Variants in SP3 observed in about 807,000 individuals in gnomAD.
SP3 encodes Sp3 transcription factor.
In SP3, 10 loss-of-function variants were observed where a neutral mutation model predicts 70.3. That is an observed-to-expected ratio of 0.14 (90% confidence interval 0.09 to 0.24). SP3 has a LOEUF of 0.24. SP3 is among the 10% of genes least tolerant of loss of function. SP3 has a pLI of 1.00. For synonymous variants in SP3, 402 were observed against 333.5 expected, an observed-to-expected ratio of 1.21 and a Z score of -2.24; for missense variants, 825 against 914.6, an observed-to-expected ratio of 0.90 and a Z score of 1.26.
In SP3 at chr2:173,932,638, C is replaced by G. The variant is rs148304315; in HGVS notation, c.1640-13853G>C. Among the ~76,000 whole-genome samples the G allele has an allele frequency of 7.2e-4, 110 of 152,182 alleles. 2 individuals are homozygous for G. The East Asian group carries it at 0.018, about 25-fold the overall frequency. On this transcript the variant is annotated intron_variant, in intron 4 of 6. Coordinates refer to ENST00000310015, the MANE Select transcript of SP3 (RefSeq NM_003111.5). The stretch of plus-strand genomic sequence containing the variant: ...CTATGGGTGCATGGTCTGTTGTGCC[C>G]CAAGACAATTACAACAGTAACATCA...
At chr2:173,950,831 A>G (rs1348887936) in intron 4 of SP3, among the ~76,000 whole-genome samples, 1 of 152,188 alleles carries the variant, frequency 6.6e-6, no homozygotes, top group Non-Finnish European at 1.5e-5. Flanking sequence ...ATAGTATACC[A>G]AGAGAAAGTT....
At position 173,910,051 on chromosome 2, in the gene SP3, A is replaced by C; in HGVS notation, c.2236T>G (p.Ser746Ala). The stretch of plus-strand genomic sequence containing the variant: ...GAAGTATTAACAGTTCCTATCCCTG[A>C]AACAGAACCTTGTTGAATATTTGCA... The part of the protein sequence containing the change: ...ILANIQQGSV[S>A]GIGTVNTSAT... Residue 746 changes from serine to alanine, a missense_variant, in exon 7 of 7, where the codon TCA (serine) becomes GCA (alanine). Transcript: ENST00000310015. 6.2e-7 allele frequency: 1 copy of C among 1,613,192 alleles called. No individual in the cohort carries two copies. The highest frequency in any genetic ancestry group is 1.7e-5 in the Admixed American group (1 of 59,858).
rs1689300438 is a variant in SP3 at position 173,905,899 on chromosome 2, C to T, written c.*4042G>A. 6.6e-6 allele frequency among the ~76,000 whole-genome samples: 1 copy of T among 151,994 alleles called. No homozygotes were observed. Reference sequence around the variant, plus strand: ...CTGTGGTCCAAGCTACTTAAGAGGCCGAAGTGGGGAGGATTGCTTGAGACC... The same window carrying T: ...CTGTGGTCCAAGCTACTTAAGAGGCTGAAGTGGGGAGGATTGCTTGAGACC... On this transcript the variant is annotated 3_prime_UTR_variant, in exon 7 of 7. Transcript: ENST00000310015.
chr2:173,922,384 G>A (rs182561615), intron 4 of SP3, among the ~76,000 whole-genome samples: 1 of 151,898 alleles, frequency 6.6e-6, no homozygotes, highest in East Asian at 1.9e-4. Context: ...GCAGGGGAGG[G>A]GTGCCAGTCA....
chr2:173,963,964 GTAC>G, intron 2 of SP3, 81 bp from the exon 3 acceptor site: 1 of 983,464 alleles, frequency 1.0e-6, no homozygotes, highest in Non-Finnish European at 1.4e-6. Flanking sequence ...CGCACAGGAA[GTAC>G]GACTCGGTCC....
At chr2:173,958,336 A>C (rs1690959063) in intron 3 of SP3, among the ~76,000 whole-genome samples, 1 of 150,958 alleles carries the variant, frequency 6.6e-6, no homozygotes, top group African/African-American at 2.4e-5. Context: ...ACAGCTTTCT[A>C]GTCAAGAAAT....
At chr2:173,961,938 T>TTTTC (rs984104803) in intron 3 of SP3, among the ~76,000 whole-genome samples, 1 of 105,342 alleles carries the variant, frequency 9.5e-6, no homozygotes, top group Non-Finnish European at 1.8e-5. Flanking sequence ...GGTTTGGGTT[T>TTTTC]TTTTTTTTTT....
intron 4 of SP3, among the ~76,000 whole-genome samples, chr2:173,923,677 T>C (rs1689824293): frequency 6.6e-6 from 1 of 152,074 alleles, no homozygotes; most frequent in Non-Finnish European, 1.5e-5. Context: ...GCCATTAAGA[T>C]TTTGTTGTTC....
intron 4 of SP3, among the ~76,000 whole-genome samples, chr2:173,920,757 G>C (rs1385337716): frequency 6.6e-6 from 1 of 151,760 alleles, no homozygotes; most frequent in Non-Finnish European, 1.5e-5. Context: ...TGCCCAGCTA[G>C]TTTTTGTATT....
intron 5 of SP3, chr2:173,916,704 C>A (rs1689625361): frequency 6.6e-6 from 1 of 152,046 alleles, no homozygotes; most frequent in Non-Finnish European, 1.5e-5. Flanking sequence ...TCACACACTG[C>A]TGGTTAGAGT....
At position 173,908,875 on chromosome 2, in the gene SP3, ATGAT is replaced by A. The variant is rs1382464265; in HGVS notation, c.*1062_*1065del. The A allele has an allele frequency of 2.0e-5, 3 of 152,266 alleles. No individual in the cohort carries two copies. The highest frequency in any genetic ancestry group is 4.4e-5 in the Non-Finnish European group (3 of 67,862). The allele number at this position is 152,266 out of a possible 1,614,324, so 9.4% of individuals were successfully genotyped here. A position where few individuals can be genotyped will look rare whatever the true frequency, so the allele number is the denominator to read the frequency against. On this transcript the variant is annotated 3_prime_UTR_variant, in exon 7 of 7. Coordinates refer to ENST00000310015, the MANE Select transcript of SP3 (RefSeq NM_003111.5). ...TTAAGGGAAGAAGCAAAAAAGGAAA[ATGAT>A]TGATATTTAAGTGCAGACTGACTAC...
At chr2:173,929,080 C>CCTTGATACATGCTTCCAGGCTCCA (rs1033877570) in intron 4 of SP3, among the ~76,000 whole-genome samples, 222 of 152,208 alleles carry the variant, frequency 1.5e-3, no homozygotes, top group Non-Finnish European at 1.5e-3. Flanking sequence ...TCCAGGCTCC[C>CCTTGATACATGCTTCCAGGCTCCA]CTTGATACAT....
At position 173,955,062 on chromosome 2, in the gene SP3, C is replaced by A. The variant is rs1420431666; in HGVS notation, c.1450G>T (p.Ala484Ser). The A allele has an allele frequency of 3.1e-6, 5 of 1,614,052 alleles. No individual in the cohort carries two copies. Among genetic ancestry groups the A allele is most frequent in the Middle Eastern group, 1.6e-4 (1 of 6,084 alleles). The change falls in exon 4 of 7, where the codon GCC (alanine) becomes TCC (serine). Residue 484 changes from alanine to serine, a missense_variant. Coordinates refer to ENST00000310015, the MANE Select transcript of SP3 (RefSeq NM_003111.5). ...ACAGGCGTCAAAGTTATTTGTTGGG[C>A]AGCAGTATTCTGTATTTGCAAATTC... ...LQNLQIQNTA[A>S]QQITLTPVQT...
chr2:173,963,463 T>G (rs548469446), intron 3 of SP3: 2 of 152,972 alleles, frequency 1.3e-5, no homozygotes, highest in Non-Finnish European at 2.9e-5. Flanking sequence ...CGAAGGAGTT[T>G]TCAGCACTGA....
At chr2:173,951,346 T>C (rs917770376) in intron 4 of SP3, among the ~76,000 whole-genome samples, 10 of 152,258 alleles carry the variant, frequency 6.6e-5, no homozygotes, top group African/African-American at 2.4e-4. Flanking sequence ...TCTGTTCATG[T>C]AGTATATGTG....
intron 4 of SP3, among the ~76,000 whole-genome samples, chr2:173,922,303 T>TA (rs1013468811): frequency 1.3e-5 from 2 of 151,266 alleles, no homozygotes; most frequent in African/African-American, 4.9e-5. Context: ...TTTTTTTTTT[T>TA]AAATCCTGAG....
rs1340259792 is a variant in SP3, at chr2:173,907,042, T to A, written c.*2899A>T. The A allele has an allele frequency of 6.6e-6, 1 of 152,212 alleles. No homozygotes were observed. Among genetic ancestry groups the A allele is most frequent in the African/African-American group, 2.4e-5 (1 of 41,464 alleles). 9.4% of individuals were successfully genotyped at this position (152,212 alleles called of 1,614,324 possible). On this transcript the variant is annotated 3_prime_UTR_variant, in exon 7 of 7. Coordinates refer to ENST00000310015, the MANE Select transcript of SP3 (RefSeq NM_003111.5). ...GTTATTTACAGGGCATCTGACTTTC[T>A]GCGGTAGGTGTAGCTCCTTTAAAAG...
Position 173,934,832 on chromosome 2 carries a change from A to C in SP3, c.1640-16047T>G, listed in dbSNP as rs565202993. Among the ~76,000 whole-genome samples, 14 of 152,350 alleles carry C rather than the reference A, an allele frequency of 9.2e-5. No homozygotes were observed. The South Asian group carries it at 2.9e-3, about 32-fold the overall frequency. On this transcript the variant is annotated intron_variant, in intron 4 of 6. Coordinates refer to ENST00000310015, the MANE Select transcript of SP3 (RefSeq NM_003111.5). ...CTGAAACTCCTTTCTTCTAAAAATA[A>C]ATACATTCTATTCCATCTTCACTTA... is the stretch of plus-strand genomic sequence containing the variant.
At chr2:173,960,642 C>T (rs1205460766) in intron 3 of SP3, among the ~76,000 whole-genome samples, 5 of 152,134 alleles carry the variant, frequency 3.3e-5, no homozygotes, top group Admixed American at 3.3e-4. Flanking sequence ...AATTTACAAC[C>T]TAAACCAAAG....
Sources: allele counts gnomAD v4.1 joint callset (sites outside exome capture counted in the v4.1 genomes callset), GRCh38; gene constraint gnomAD v4.1.1; transcripts MANE v1.5; gene names NCBI Gene and HGNC (gene_info 2026-07-23, HGNC 2026-07-21).